Variants in CCDC7 observed in about 807,000 individuals in gnomAD.
The protein encoded by CCDC7 is coiled-coil domain containing 7, also known as coiled-coil domain-containing protein 7.
A neutral mutation model predicts 196.9 loss-of-function variants in CCDC7; 183 were observed. The ratio of observed to expected loss-of-function variants is 0.93; its 90% CI spans 0.82 to 1.05. The LOEUF is 1.05. Ranked by LOEUF, CCDC7 falls within the 50% of genes least tolerant of loss-of-function variation. The pLI, the probability that CCDC7 is intolerant of heterozygous loss-of-function variation, is 0.00. For missense variants in CCDC7, 1,540 were observed against 1,482.2 expected, an observed-to-expected ratio of 1.04 and a Z score of -0.64; for synonymous variants, 525 against 484.6, an observed-to-expected ratio of 1.08 and a Z score of -1.10.
chr10:32,642,146 A>G (rs913775405), intron 20 of CCDC7, among the ~76,000 whole-genome samples: 3 of 152,196 alleles, frequency 2.0e-5, no homozygotes, highest in South Asian at 2.1e-4. Flanking sequence ...CTCAAACTCC[A>G]TGCTGGGAGA....
At chr10:32,745,761 C>T (rs1048063513) in intron 28 of CCDC7, among the ~76,000 whole-genome samples, 1 of 152,116 alleles carries the variant, frequency 6.6e-6, no homozygotes, top group Non-Finnish European at 1.5e-5. Context: ...CACAAAATAA[C>T]TTGCTGGGGT....
At chr10:32,815,073 CA>C (rs2088105208) in intron 31 of CCDC7, among the ~76,000 whole-genome samples, 1 of 151,972 alleles carries the variant, frequency 6.6e-6, no homozygotes, top group South Asian at 2.1e-4. Flanking sequence ...CCAACAACAA[CA>C]ACAAGCAGCA....
At chr10:32,646,234 T>C (rs545119439) in intron 20 of CCDC7, among the ~76,000 whole-genome samples, 18 of 152,122 alleles carry the variant, frequency 1.2e-4, no homozygotes, top group Admixed American at 3.3e-4. Context: ...TTTTCATTTT[T>C]CATTTGTCTC....
intron 23 of CCDC7, among the ~76,000 whole-genome samples, chr10:32,690,078 G>T (rs1411204939): frequency 6.6e-6 from 1 of 152,158 alleles, no homozygotes; most frequent in Non-Finnish European, 1.5e-5. Context: ...TCAAAGCTTG[G>T]CAGTCTCCTC....
intron 18 of CCDC7, among the ~76,000 whole-genome samples, chr10:32,611,626 G>T (rs1206517415): frequency 6.6e-6 from 1 of 152,182 alleles, no homozygotes; most frequent in Admixed American, 6.5e-5. Context: ...TCCAGTTTCA[G>T]TTTTCTGCCT....
At chr10:32,474,532 C>T (rs548406431) in intron 8 of CCDC7, among the ~76,000 whole-genome samples, 264 of 152,046 alleles carry the variant, frequency 1.7e-3, no homozygotes, top group African/African-American at 5.0e-3. Context: ...CCACTGCGCC[C>T]GGCCTAGATT....
chr10:32,635,056 G>A lies in CCDC7; in HGVS notation c.1913-1G>A. 2.5e-6 allele frequency: 1 copy of A among 398,698 alleles called. No individual in the cohort carries two copies. The highest frequency in any genetic ancestry group is 4.4e-6 in the Non-Finnish European group (1 of 225,878). The allele number at this position is 398,698 out of a possible 1,614,324, so 24.7% of individuals were successfully genotyped here. On this transcript the variant is annotated splice_acceptor_variant, in intron 19 of 41. Transcript: ENST00000639629. LOFTEE classifies it high-confidence loss of function. ...TATCATAGATCTGTTTTTCTGTTCA[G>A]AGACTCTTACAACCCCACAATTGCC...
intron 2 of CCDC7, among the ~76,000 whole-genome samples, chr10:32,454,846 G>C (rs2033955047): frequency 6.6e-6 from 1 of 152,078 alleles, no homozygotes; most frequent in Admixed American, 6.5e-5. Context: ...CACTCAGTCT[G>C]TCCAATATTC....
intron 25 of CCDC7, among the ~76,000 whole-genome samples, chr10:32,716,054 A>C (rs1465127545): frequency 6.6e-6 from 1 of 152,186 alleles, no homozygotes; most frequent in African/African-American, 2.4e-5. Context: ...TACAGAGAAC[A>C]CCACAAAGAT....
intron 20 of CCDC7, among the ~76,000 whole-genome samples, chr10:32,650,898 G>A (rs1050285710): frequency 2.0e-5 from 3 of 152,258 alleles, no homozygotes; most frequent in East Asian, 3.9e-4. Flanking sequence ...ATTCTCTTAC[G>A]GGACAGTTAG....
chr10:32,683,604 A>G (rs117933745), intron 21 of CCDC7, among the ~76,000 whole-genome samples: 2,675 of 152,336 alleles, frequency 0.018, 45 homozygotes, highest in Non-Finnish European at 0.028. Flanking sequence ...CTTCCTGTCT[A>G]TGAGCACGGA....
intron 33 of CCDC7, among the ~76,000 whole-genome samples, chr10:32,842,947 A>AGG (rs200230229): frequency 6.6e-6 from 1 of 151,722 alleles, no homozygotes; most frequent in Non-Finnish European, 1.5e-5. Context: ...GGGAAAGAGT[A>AGG]GGGGGGGCAA....
intron 18 of CCDC7, among the ~76,000 whole-genome samples, chr10:32,599,124 A>T (rs1000512833): frequency 2.2e-4 from 34 of 152,160 alleles, no homozygotes; most frequent in African/African-American, 7.7e-4. Context: ...TAATTGTTAT[A>T]TCTGCTTGAT....
At chr10:32,675,234 T>G (rs1412678626) in intron 21 of CCDC7, among the ~76,000 whole-genome samples, 3 of 152,116 alleles carry the variant, frequency 2.0e-5, no homozygotes, top group Non-Finnish European at 4.4e-5. Context: ...CTTTATTTCC[T>G]TTTCATCTTT....
At chr10:32,508,110 T>C (rs1164775766) in intron 9 of CCDC7, among the ~76,000 whole-genome samples, 3 of 151,888 alleles carry the variant, frequency 2.0e-5, no homozygotes, top group African/African-American at 7.3e-5. Flanking sequence ...ATGACATGAG[T>C]TCATATATAG....
At chr10:32,809,021 AC>A (rs1288395118) in intron 30 of CCDC7, among the ~76,000 whole-genome samples, 2 of 152,208 alleles carry the variant, frequency 1.3e-5, no homozygotes, top group African/African-American at 4.8e-5. Context: ...CTACCAAAAA[AC>A]TTTTTTTAAT....
intron 29 of CCDC7, 64 bp downstream of exon 30, chr10:32,779,148 T>C: frequency 8.2e-7 from 1 of 1,213,572 alleles, no homozygotes; most frequent in Non-Finnish European, 1.1e-6. Context: ...ATTTCAACTG[T>C]ATAGTTCTGT....
At chr10:32,743,324 A>T (rs184890760) in intron 28 of CCDC7, among the ~76,000 whole-genome samples, 1 of 152,146 alleles carries the variant, frequency 6.6e-6, no homozygotes. Flanking sequence ...AGATGAGTAG[A>T]TTGCAAAAAT....
chr10:32,659,974 G>A (rs983651578), intron 20 of CCDC7, among the ~76,000 whole-genome samples: 5 of 152,126 alleles, frequency 3.3e-5, no homozygotes, highest in Non-Finnish European at 7.3e-5. Flanking sequence ...CCGTTACTGG[G>A]TATATACCCA....
Sources: gnomAD v4.1 joint callset for allele counts (sites outside exome capture counted in the v4.1 genomes callset) on GRCh38, gnomAD v4.1.1 for gene constraint, MANE v1.5 for transcripts, NCBI Gene and HGNC (gene_info 2026-07-23, HGNC 2026-07-21) for gene names.